Variants in CYP4X1 observed in about 807,000 individuals in gnomAD.
CYP4X1 encodes cytochrome P450 4X1.
A neutral mutation model predicts 57.9 loss-of-function variants in CYP4X1; 44 were observed. That is an observed-to-expected ratio of 0.76 (90% CI 0.60 to 0.98). The LOEUF is 0.98. CYP4X1 is among the 50% of genes least tolerant of loss of function. The pLI is 0.00. For synonymous variants in CYP4X1, 227 were observed against 228.6 expected (o/e 0.99, Z 0.06); for missense variants, 532 against 623.9 (o/e 0.85, Z 1.57).
At chr1:46,981,552 AC>A in the CYP4X1 span, among the ~76,000 whole-genome samples, 1 of 152,256 alleles carries the variant, frequency 6.6e-6, no homozygotes, top group African/African-American at 2.4e-5. Flanking sequence ...AACTAGTTCA[AC>A]CATTGTGAAA....
rs200695079 is a variant in CYP4X1, at chr1:47,035,798, T to A, written c.493-8T>A. On this transcript the variant is annotated splice_polypyrimidine_tract_variant and splice_region_variant and intron_variant, in intron 4 of 11. Coordinates refer to ENST00000371901, the MANE Select transcript of CYP4X1 (RefSeq NM_178033.2). The stretch of plus-strand genomic sequence containing the variant: ...GGTGATGATGTTGGTCTTGACCTCC[T>A]GTGCCAGGATAAGTGGGAGAAGATT... 14 of 1,610,510 alleles carry A rather than the reference T, an allele frequency of 8.7e-6. 1 individual carries two copies. In the Admixed American group the frequency reaches 2.3e-4, roughly 27 times the overall value.
At chr1:46,996,559 G>A in the CYP4X1 span, among the ~76,000 whole-genome samples, 3 of 152,348 alleles carry the variant, frequency 2.0e-5, no homozygotes, top group East Asian at 5.8e-4. Context: ...AATGTTTAAT[G>A]ATATGAATAA....
downstream of CYP4X1, among the ~76,000 whole-genome samples, chr1:47,051,258 T>C (rs1480178915): frequency 1.3e-5 from 2 of 151,480 alleles, no homozygotes; most frequent in Non-Finnish European, 2.9e-5. Flanking sequence ...TGTGGAGAAA[T>C]AGGAAGACTT....
At chr1:46,994,606 G>C in the CYP4X1 span, 1 of 152,706 alleles carries the variant, frequency 6.5e-6, no homozygotes, top group Non-Finnish European at 1.5e-5. Context: ...CTGTCTACTT[G>C]TGGGGAAGGT....
chr1:46,999,851 T>C, the CYP4X1 span, among the ~76,000 whole-genome samples: 2 of 152,088 alleles, frequency 1.3e-5, no homozygotes, highest in African/African-American at 2.4e-5. Context: ...ACCATCCCTA[T>C]CTCTTTGGTG....
chr1:47,048,079 CA>C (rs34482823), intron 9 of CYP4X1, among the ~76,000 whole-genome samples: 57,369 of 136,242 alleles, frequency 0.42, 12,121 homozygotes, highest in East Asian at 0.96. Flanking sequence ...CCTGTCTTTA[CA>C]AAAAAAAAAA....
chr1:47,035,867 A>G lies in CYP4X1; in HGVS notation c.554A>G (p.Asn185Ser), dbSNP rs367674618. 6.2e-7 allele frequency: 1 copy of G among 1,613,542 alleles called. No individual in the cohort carries two copies. The highest frequency in any genetic ancestry group is 1.3e-5 in the African/African-American group (1 of 74,892). The change falls in exon 5 of 12, where the codon AAC becomes AGC. Residue 185 changes from asparagine to serine, a missense_variant. Physicochemically the swap from Asn to Ser is conservative, Grantham distance 46. Transcript: ENST00000371901. ...DTSVEVYEHI[N>S]SMSLDIIMKC... is the part of the protein sequence containing the mutation. ...AGCGTGGAGGTCTATGAGCACATCA[A>G]CTCGATGTCTCTGGATATAATCATG...
At chr1:47,040,400 TC>T (rs1241357152) in intron 8 of CYP4X1, among the ~76,000 whole-genome samples, 2 of 152,048 alleles carry the variant, frequency 1.3e-5, no homozygotes, top group Non-Finnish European at 2.9e-5. Context: ...CATAATCTGG[TC>T]AAAGGGACAG....
chr1:46,991,954 T>A, the CYP4X1 span, among the ~76,000 whole-genome samples: 1 of 152,192 alleles, frequency 6.6e-6, no homozygotes, highest in African/African-American at 2.4e-5. Context: ...ATGAAACAGA[T>A]CCCACTCAAC....
chr1:46,999,904 C>G, the CYP4X1 span, among the ~76,000 whole-genome samples: 1 of 151,898 alleles, frequency 6.6e-6, no homozygotes, highest in Non-Finnish European at 1.5e-5. Flanking sequence ...TGGAGCTGGA[C>G]TTTTGAGTTA....
At chr1:46,965,012 C>T in the CYP4X1 span, among the ~76,000 whole-genome samples, 2 of 152,228 alleles carry the variant, frequency 1.3e-5, no homozygotes, top group African/African-American at 4.8e-5. Context: ...ATGAGTGAGG[C>T]ACCTTGGGTG....
intron 1 of CYP4X1, among the ~76,000 whole-genome samples, chr1:47,026,580 A>C (rs1644067749): frequency 6.6e-6 from 1 of 152,258 alleles, no homozygotes; most frequent in South Asian, 2.1e-4. Flanking sequence ...CAAGGAAACC[A>C]GCTAGGGTTC....
At chr1:46,986,061 A>G in the CYP4X1 span, among the ~76,000 whole-genome samples, 1 of 152,216 alleles carries the variant, frequency 6.6e-6, no homozygotes, top group Non-Finnish European at 1.5e-5. Flanking sequence ...GGTGGGTAAT[A>G]ACAAACTCCT....
downstream of CYP4X1, among the ~76,000 whole-genome samples, chr1:47,055,028 T>A (rs982069389): frequency 2.0e-5 from 3 of 152,198 alleles, no homozygotes. Flanking sequence ...CCAGTTTTTG[T>A]CCATTCTGTA....
At chr1:46,992,652 A>G in the CYP4X1 span, among the ~76,000 whole-genome samples, 1 of 152,230 alleles carries the variant, frequency 6.6e-6, no homozygotes, top group African/African-American at 2.4e-5. Context: ...TTGTCTGTTA[A>G]TGGACACTTG....
At chr1:47,004,573 A>G in the CYP4X1 span, among the ~76,000 whole-genome samples, 1 of 151,960 alleles carries the variant, frequency 6.6e-6, no homozygotes, top group Non-Finnish European at 1.5e-5. Context: ...ACTGCCTGTT[A>G]GCTTAAAGGA....
the CYP4X1 span, among the ~76,000 whole-genome samples, chr1:47,013,049 C>A: frequency 6.6e-6 from 1 of 151,962 alleles, no homozygotes; most frequent in Non-Finnish European, 1.5e-5. Flanking sequence ...GGAAAGGTCA[C>A]CATACCGTTT....
the CYP4X1 span, among the ~76,000 whole-genome samples, chr1:46,965,264 A>G: frequency 2.0e-5 from 3 of 152,028 alleles, no homozygotes; most frequent in African/African-American, 4.8e-5. Flanking sequence ...ACTTTCCTGC[A>G]CCCACTGTCT....
the CYP4X1 span, among the ~76,000 whole-genome samples, chr1:46,968,177 T>G: frequency 6.6e-6 from 1 of 152,186 alleles, no homozygotes; most frequent in Non-Finnish European, 1.5e-5. Context: ...CCTCAGCTGC[T>G]GCCTCACTTG....
Sources: allele counts gnomAD v4.1 joint callset (sites outside exome capture counted in the v4.1 genomes callset), GRCh38; gene constraint gnomAD v4.1.1; transcripts MANE v1.5; gene names NCBI Gene and HGNC (gene_info 2026-07-23, HGNC 2026-07-21).